FHIT: variants seen among roughly 807,000 people sequenced by gnomAD.
The protein encoded by FHIT is bis(5'-adenosyl)-triphosphatase.
In FHIT, 19 loss-of-function variants were observed where a neutral mutation model predicts 17.9. The ratio of observed to expected loss-of-function variants is 1.06; its 90% CI spans 0.74 to 1.56. The LOEUF is 1.56. Ranked by LOEUF, FHIT falls within the 40% of genes most tolerant of loss-of-function variation. The probability of loss-of-function intolerance (pLI) is 0.00; values close to 1 mark genes in which losing one functional copy is unlikely to be tolerated. For missense variants in FHIT, 248 were observed against 189.2 expected, an observed-to-expected ratio of 1.31 and a Z score of -1.82; for synonymous variants, 81 against 69.7, an observed-to-expected ratio of 1.16 and a Z score of -0.81.
At chr3:60,085,878 T>C (rs1703472847) in intron 5 of FHIT, among the ~76,000 whole-genome samples, 1 of 152,196 alleles carries the variant, frequency 6.6e-6, no homozygotes, top group Non-Finnish European at 1.5e-5. Flanking sequence ...ACAGTCAGTG[T>C]CATTTAAGGT....
chr3:60,233,840 C>A (rs900432042), intron 5 of FHIT, among the ~76,000 whole-genome samples: 1 of 151,982 alleles, frequency 6.6e-6, no homozygotes, highest in Non-Finnish European at 1.5e-5. Context: ...CTGTACATGC[C>A]CCCTGTACTT....
At chr3:60,376,736 G>T (rs1241809427) in intron 5 of FHIT, among the ~76,000 whole-genome samples, 1 of 151,950 alleles carries the variant, frequency 6.6e-6, no homozygotes, top group African/African-American at 2.4e-5. Context: ...CCTTTAAAAC[G>T]TATTACCTTT....
At chr3:59,869,647 A>G (rs74711415) in intron 8 of FHIT, among the ~76,000 whole-genome samples, 6,602 of 101,568 alleles carry the variant, frequency 0.065, 242 homozygotes, top group Non-Finnish European at 0.088. Context: ...ACGCCCAGCT[A>G]ATTTTTTTTT....
intron 8 of FHIT, among the ~76,000 whole-genome samples, chr3:59,854,481 G>A (rs1297596207): frequency 1.3e-5 from 2 of 152,154 alleles, no homozygotes; most frequent in Admixed American, 6.5e-5. Context: ...ACCTCGTGAA[G>A]TGTCAGAACT....
chr3:60,655,441 T>C (rs2040092481), intron 4 of FHIT, among the ~76,000 whole-genome samples: 1 of 152,182 alleles, frequency 6.6e-6, no homozygotes, highest in African/African-American at 2.4e-5. Flanking sequence ...CTGGACACGC[T>C]GGAGGAATAG....
chr3:60,526,076 T>C (rs2035563466), intron 5 of FHIT, among the ~76,000 whole-genome samples: 1 of 151,720 alleles, frequency 6.6e-6, no homozygotes, highest in African/African-American at 2.4e-5. Context: ...GCACTATAGC[T>C]TGGATGACAG....
chr3:60,013,895 C>G, intron 6 of FHIT, 112 bp downstream of exon 6: 1 of 1,165,516 alleles, frequency 8.6e-7, no homozygotes, highest in Non-Finnish European at 1.2e-6. Flanking sequence ...TGGCTGCTAC[C>G]TAAAATACAA....
intron 5 of FHIT, among the ~76,000 whole-genome samples, chr3:60,382,613 A>T (rs1028049054): frequency 1.3e-5 from 2 of 152,182 alleles, no homozygotes; most frequent in African/African-American, 4.8e-5. Flanking sequence ...TTGTCAAGTA[A>T]ACAACTATGC....
At chr3:60,081,558 A>G (rs2736784) in intron 5 of FHIT, among the ~76,000 whole-genome samples, 61,188 of 152,040 alleles carry the variant, frequency 0.4, 12,922 homozygotes, top group African/African-American at 0.52. Flanking sequence ...TGATTGAGAT[A>G]CCAGCATATC....
chr3:61,077,374 C>T (rs905538597), intron 2 of FHIT, among the ~76,000 whole-genome samples: 2 of 151,650 alleles, frequency 1.3e-5, no homozygotes, highest in Admixed American at 6.6e-5. Context: ...ATACTTAGAG[C>T]ACAGGAAAGG....
At chr3:59,857,705 G>GTTTTTTTGT (rs1553697956) in intron 8 of FHIT, among the ~76,000 whole-genome samples, 20 of 115,402 alleles carry the variant, frequency 1.7e-4, no homozygotes, top group African/African-American at 6.9e-4. Context: ...AAAGTGCTGG[G>GTTTTTTTGT]TTTTTTTTTT....
intron 5 of FHIT, among the ~76,000 whole-genome samples, chr3:60,496,622 A>T (rs2034310855): frequency 6.6e-6 from 1 of 152,214 alleles, no homozygotes; most frequent in Admixed American, 6.5e-5. Flanking sequence ...CAACATGGTG[A>T]TTCCACTGCT....
chr3:61,227,445 T>C (rs1001383506), intron 1 of FHIT, among the ~76,000 whole-genome samples: 2 of 152,206 alleles, frequency 1.3e-5, no homozygotes, highest in Non-Finnish European at 1.5e-5. Flanking sequence ...CTGTACTGGT[T>C]AAAATCCATG....
intron 2 of FHIT, among the ~76,000 whole-genome samples, chr3:61,043,626 G>C (rs536323314): frequency 6.6e-6 from 1 of 152,346 alleles, no homozygotes; most frequent in African/African-American, 2.4e-5. Flanking sequence ...TTTGAAGAGA[G>C]CAGTGGTTCT....
chr3:60,656,941 C>G (rs1268509575), intron 4 of FHIT, among the ~76,000 whole-genome samples: 3 of 150,300 alleles, frequency 2.0e-5, no homozygotes, highest in African/African-American at 7.3e-5. Flanking sequence ...GGTATGTGCT[C>G]AGCAGCATTT....
At chr3:60,638,463 GTACAT>G (rs1297066951) in intron 4 of FHIT, among the ~76,000 whole-genome samples, 1 of 152,128 alleles carries the variant, frequency 6.6e-6, no homozygotes, top group Admixed American at 6.5e-5. Context: ...TGGGATAATA[GTACAT>G]TACATCAGTG....
At chr3:59,849,788 A>G (rs538607303) in intron 8 of FHIT, among the ~76,000 whole-genome samples, 1 of 152,348 alleles carries the variant, frequency 6.6e-6, no homozygotes, top group Admixed American at 6.5e-5. Context: ...TTAATCAGGT[A>G]TATTATAAGA....
At chr3:61,151,575 C>CTTTTCTTTTCT (rs2037391413) in intron 2 of FHIT, among the ~76,000 whole-genome samples, 26 of 129,258 alleles carry the variant, frequency 2.0e-4, no homozygotes, top group East Asian at 1.1e-3. Context: ...CTTTTCTTTT[C>CTTTTCTTTTCT]TTTTTTTTTT....
intron 5 of FHIT, among the ~76,000 whole-genome samples, chr3:60,517,618 C>T (rs933557551): frequency 1.3e-5 from 2 of 152,050 alleles, no homozygotes; most frequent in African/African-American, 4.8e-5. Flanking sequence ...TACAATATTG[C>T]AGAAAGCATT....
Sources: gnomAD v4.1 joint callset for allele counts (sites outside exome capture counted in the v4.1 genomes callset) on GRCh38, gnomAD v4.1.1 for gene constraint, MANE v1.5 for transcripts, NCBI Gene and HGNC (gene_info 2026-07-23, HGNC 2026-07-21) for gene names.